ADCY10: variants seen among roughly 807,000 people sequenced by gnomAD.
ADCY10 encodes the protein adenylate cyclase 10.
A neutral mutation model predicts 183.3 loss-of-function variants in ADCY10; 156 were observed. The ratio of observed to expected loss-of-function variants is 0.85; its 90% CI spans 0.75 to 0.97. The LOEUF is 0.97. Ranked by LOEUF, ADCY10 falls within the 50% of genes least tolerant of loss-of-function variation. The pLI is 0.00. For synonymous variants in ADCY10, 645 were observed against 670.0 expected, an observed-to-expected ratio of 0.96 and a Z score of 0.58; for missense variants, 1,745 against 1,934.3, an observed-to-expected ratio of 0.90 and a Z score of 1.84.
intron 18 of ADCY10, 22 bp downstream of exon 18, chr1:167,854,331 G>C: frequency 6.2e-7 from 1 of 1,614,058 alleles, no homozygotes; most frequent in South Asian, 1.1e-5. Flanking sequence ...GAGTAAGAAA[G>C]AACCATCACC....
intron 25 of ADCY10, 101 bp downstream of exon 25, chr1:167,832,886 T>C (rs1663856871): frequency 4.8e-6 from 6 of 1,248,068 alleles, no homozygotes; most frequent in South Asian, 1.2e-5. Context: ...GGAGTCCTTG[T>C]GCCCCCTGGA....
chr1:167,848,605 T>C (rs1031685299), intron 18 of ADCY10, 116 bp from the exon 19 acceptor site: 14 of 1,149,774 alleles, frequency 1.2e-5, no homozygotes, highest in Middle Eastern at 2.7e-4. Flanking sequence ...GAGATGTATA[T>C]TGGCTCACCA....
At chr1:167,905,659 T>C (rs938060125) in intron 1 of ADCY10, among the ~76,000 whole-genome samples, 2 of 151,064 alleles carry the variant, frequency 1.3e-5, no homozygotes, top group Non-Finnish European at 2.9e-5. Flanking sequence ...TGTAAGTGAG[T>C]ATTAGAGTTT....
intron 9 of ADCY10, among the ~76,000 whole-genome samples, chr1:167,880,922 A>G (rs144751368): frequency 6.6e-6 from 1 of 152,258 alleles, no homozygotes; most frequent in Non-Finnish European, 1.5e-5. Flanking sequence ...GTTTAAGTCT[A>G]TGAAGCAGCA....
intron 19 of ADCY10, 60 bp downstream of exon 19, chr1:167,848,300 CG>C: frequency 4.2e-6 from 6 of 1,415,338 alleles, no homozygotes; most frequent in Middle Eastern, 2.0e-4. Context: ...CCGCCCGCCT[CG>C]GCCTCCCAAA....
chr1:167,836,226 G>A, intron 23 of ADCY10, 83 bp downstream of exon 23: 1 of 907,392 alleles, frequency 1.1e-6, no homozygotes, highest in South Asian at 1.4e-5. Context: ...GAAGTAATCA[G>A]AAAGCATGCT....
chr1:167,837,579 G>A (rs1241115455), intron 21 of ADCY10, among the ~76,000 whole-genome samples: 1 of 152,184 alleles, frequency 6.6e-6, no homozygotes, highest in Admixed American at 6.5e-5. Context: ...AAGAAAGCAA[G>A]TAATTCTAAG....
intron 21 of ADCY10, among the ~76,000 whole-genome samples, chr1:167,843,546 T>C (rs1424998625): frequency 6.6e-6 from 1 of 152,106 alleles, no homozygotes; most frequent in African/African-American, 2.4e-5. Context: ...GGTGCTCCAG[T>C]CTGTCCCCCT....
chr1:167,885,148 C>T (rs1005118468), intron 8 of ADCY10, among the ~76,000 whole-genome samples: 7 of 152,138 alleles, frequency 4.6e-5, no homozygotes, highest in African/African-American at 1.7e-4. Flanking sequence ...AATAGTACTT[C>T]GTTGTGTATA....
In ADCY10 at chr1:167,837,078, T is replaced by G. The variant is rs1348822473; in HGVS notation, c.3077+171A>C. Reference sequence around the variant, plus strand: ...CTTTAAAAACAAAAGAGCAGGATAATAAAACCTAGTGTGGATACTACTGAC... The same window carrying G: ...CTTTAAAAACAAAAGAGCAGGATAAGAAAACCTAGTGTGGATACTACTGAC... On this transcript the variant is annotated intron_variant, in intron 22 of 32. Transcript: ENST00000367851. The G allele has an allele frequency of 1.5e-5, 10 of 684,200 alleles. No individual in the cohort carries two copies. The East Asian group carries it at 2.7e-4, about 19-fold the overall frequency. The allele number at this position is 684,200 out of a possible 1,614,324, so 42.4% of individuals were successfully genotyped here. A position where few individuals can be genotyped will look rare whatever the true frequency, so the allele number is the denominator to read the frequency against.
rs567483203 is a variant in ADCY10, at chr1:167,823,195, G to A, written c.4053-72C>T. On this transcript the variant is annotated intron_variant, in intron 28 of 32. Transcript: ENST00000367851. ...TAATCCCAGCACTTTGGGAGGCTGA[G>A]GTGGGTGGATCACGAGGTCAGGAGT... The A allele has an allele frequency of 2.3e-5, 31 of 1,319,876 alleles. No individual in the cohort carries two copies. The South Asian group carries it at 2.8e-4, about 12-fold the overall frequency. The allele number at this position is 1,319,876 out of a possible 1,614,324, so 81.8% of individuals were successfully genotyped here.
At position 167,905,096 on chromosome 1, in the gene ADCY10, T is replaced by TCTGA; in HGVS notation, c.41_44dup (p.Arg15SerfsTer27). The TCTGA allele has an allele frequency of 5.0e-6, 8 of 1,614,236 alleles. No homozygotes were observed. The highest frequency in any genetic ancestry group is 6.8e-6 in the Non-Finnish European group (8 of 1,180,046). ...TGAGGTCTGGTAAATGAGCTGCTAT[T>TCTGA]CTGACTATGGGCCAGTCCTGGAATT... On this transcript the variant is annotated frameshift_variant, in exon 2 of 33. Coordinates refer to ENST00000367851, the MANE Select transcript of ADCY10 (RefSeq NM_018417.6). LOFTEE classifies it high-confidence loss of function.
At chr1:167,848,331 G>A (rs1409226072) in intron 19 of ADCY10, 30 bp downstream of exon 19, 14 of 1,605,558 alleles carry the variant, frequency 8.7e-6, no homozygotes, top group Non-Finnish European at 1.2e-5. Flanking sequence ...TTACAGGCGT[G>A]AGCCACTGCG....
At chr1:167,855,742 T>G (rs1292991742) in intron 17 of ADCY10, among the ~76,000 whole-genome samples, 2 of 152,208 alleles carry the variant, frequency 1.3e-5, no homozygotes, top group Non-Finnish European at 2.9e-5. Context: ...CCAAGCATGG[T>G]GGCTCACACC....
Position 167,896,587 on chromosome 1 carries a change from G to A in ADCY10, c.739+8C>T. 6.2e-7 allele frequency: 1 copy of A among 1,600,262 alleles called. No homozygotes were observed. The highest frequency in any genetic ancestry group is 8.6e-7 in the Non-Finnish European group (1 of 1,167,542). ...AGGCAAAGGCATTTTTCCATGGTGGGTACTTACTTTTGTGCTCACCAGAAG... is the reference window on the plus strand; with the variant it reads ...AGGCAAAGGCATTTTTCCATGGTGGATACTTACTTTTGTGCTCACCAGAAG... On this transcript the variant is annotated splice_region_variant and intron_variant, in intron 7 of 32. Coordinates refer to ENST00000367851, the MANE Select transcript of ADCY10 (RefSeq NM_018417.6).
intron 23 of ADCY10, chr1:167,834,451 A>G (rs1306489191): frequency 6.3e-6 from 2 of 319,258 alleles, no homozygotes; most frequent in Non-Finnish European, 1.2e-5. Context: ...ACTTCCCTTG[A>G]ACAGCATCCC....
intron 23 of ADCY10, among the ~76,000 whole-genome samples, chr1:167,835,232 T>G (rs1367443983): frequency 6.6e-6 from 1 of 152,150 alleles, no homozygotes; most frequent in Non-Finnish European, 1.5e-5. Context: ...AAAAGAGATC[T>G]AAGGGCAAAT....
chr1:167,912,692 C>A (rs1670227192), intron 1 of ADCY10, among the ~76,000 whole-genome samples: 1 of 152,206 alleles, frequency 6.6e-6, no homozygotes, highest in African/African-American at 2.4e-5. Context: ...TCCTTCTTGC[C>A]TATTAAACTC....
chr1:167,841,267 A>C (rs1359131335), intron 21 of ADCY10, among the ~76,000 whole-genome samples: 3 of 152,058 alleles, frequency 2.0e-5, no homozygotes, highest in Non-Finnish European at 2.9e-5. Context: ...AAAAGTATAA[A>C]TTCAACATGT....
Sources: gnomAD v4.1 joint callset for allele counts (sites outside exome capture counted in the v4.1 genomes callset) on GRCh38, gnomAD v4.1.1 for gene constraint, MANE v1.5 for transcripts, NCBI Gene and HGNC (gene_info 2026-07-23, HGNC 2026-07-21) for gene names.